The following SNX29 variants were observed in gnomAD, a reference collection of about 807,000 sequenced individuals.
SNX29 encodes sorting nexin 29, also known as sorting nexin-29.
Under a neutral mutation model 102.1 loss-of-function variants are expected in SNX29, and 78 were observed. The observed-to-expected ratio is 0.76, with a 90% CI of 0.64 to 0.92. The LOEUF is 0.92. Ranked by LOEUF, SNX29 falls within the 40% of genes least tolerant of loss-of-function variation. The pLI is 0.00. For synonymous variants in SNX29, 580 were observed against 414.5 expected, an observed-to-expected ratio of 1.40 and a Z score of -4.85; for missense variants, 1,280 against 1,061.7, an observed-to-expected ratio of 1.21 and a Z score of -2.86.
At chr16:12,008,681 G>GATA (rs1280420263) in intron 3 of SNX29, among the ~76,000 whole-genome samples, 1 of 151,318 alleles carries the variant, frequency 6.6e-6, no homozygotes, top group African/African-American at 2.4e-5. Flanking sequence ...GCTCAGAGCC[G>GATA]TCCTCTGGCC....
At chr16:12,377,312 C>T (rs76788760) in intron 16 of SNX29, among the ~76,000 whole-genome samples, 22 of 152,300 alleles carry the variant, frequency 1.4e-4, no homozygotes, top group South Asian at 8.3e-4. Context: ...ACTTGTCCTT[C>T]GTGAAGTTGG....
In SNX29 at chr16:12,571,951, G is replaced by C; in HGVS notation, c.*3322G>C. 1.9e-6 allele frequency: 2 copies of C among 1,061,836 alleles called. No homozygotes were observed. The highest frequency in any genetic ancestry group is 2.3e-6 in the Non-Finnish European group (2 of 877,052). 65.8% of individuals were successfully genotyped at this position (1,061,836 alleles called of 1,614,324 possible). On this transcript the variant is annotated 3_prime_UTR_variant, in exon 21 of 21. Coordinates refer to ENST00000566228, the MANE Select transcript of SNX29 (RefSeq NM_032167.5). ...GAAGGAAGACACTTTCAGGGAAGAGGCTCTTACAGTCTATGGTGGTAGCCA... is the reference window on the plus strand; with the variant it reads ...GAAGGAAGACACTTTCAGGGAAGAGCCTCTTACAGTCTATGGTGGTAGCCA...
chr16:12,567,749 C>T (rs914626704), intron 20 of SNX29, among the ~76,000 whole-genome samples: 11 of 152,146 alleles, frequency 7.2e-5, no homozygotes, highest in African/African-American at 2.4e-4. Context: ...GGGCAAGAGT[C>T]GAGACTGTCT....
chr16:12,539,213 G>T (rs151094121), intron 20 of SNX29, among the ~76,000 whole-genome samples: 235 of 152,218 alleles, frequency 1.5e-3, no homozygotes, highest in African/African-American at 5.4e-3. Flanking sequence ...CACCATCACC[G>T]TCAAGATATA....
chr16:12,412,989 C>T (rs8049296), intron 18 of SNX29, among the ~76,000 whole-genome samples: 14,843 of 152,208 alleles, frequency 0.098, 1,195 homozygotes, highest in African/African-American at 0.21. Flanking sequence ...GTAACCCATC[C>T]GGAGAGCTAC....
chr16:12,146,663 C>T (rs2055078375), intron 13 of SNX29, among the ~76,000 whole-genome samples: 1 of 152,212 alleles, frequency 6.6e-6, no homozygotes, highest in African/African-American at 2.4e-5. Context: ...TACCATTCAT[C>T]ACTGCTTGGC....
chr16:12,324,702 G>A (rs1596915493), intron 15 of SNX29, among the ~76,000 whole-genome samples: 6 of 151,854 alleles, frequency 4.0e-5, no homozygotes, highest in East Asian at 3.9e-4. Context: ...CTCTATTCTC[G>A]GCCCCCAGCC....
chr16:12,335,829 T>A (rs1014303946), intron 15 of SNX29, among the ~76,000 whole-genome samples: 4 of 152,200 alleles, frequency 2.6e-5, no homozygotes, highest in Non-Finnish European at 4.4e-5. Flanking sequence ...ATAGTTATCC[T>A]TCCCGTTTAC....
intron 16 of SNX29, among the ~76,000 whole-genome samples, chr16:12,369,354 T>G (rs2082599887): frequency 6.6e-6 from 1 of 152,166 alleles, no homozygotes; most frequent in Non-Finnish European, 1.5e-5. Flanking sequence ...CAGGCTGGTC[T>G]TGAACTCCTG....
intron 14 of SNX29, among the ~76,000 whole-genome samples, chr16:12,229,346 G>C (rs1277432654): frequency 1.3e-5 from 2 of 152,204 alleles, no homozygotes; most frequent in Non-Finnish European, 2.9e-5. Context: ...GGTCAGGCCA[G>C]TCCTAGGATT....
intron 17 of SNX29, among the ~76,000 whole-genome samples, chr16:12,401,359 A>ATTTTTTTTTT (rs35886680): frequency 2.0e-5 from 2 of 101,500 alleles, no homozygotes; most frequent in Admixed American, 1.2e-4. Flanking sequence ...ATAGAGTTAA[A>ATTTTTTTTTT]TTTTTTTTTT....
At position 12,473,630 on chromosome 16, in the gene SNX29, C is replaced by T. The variant is rs532147671; in HGVS notation, c.2038-4089C>T. On this transcript the variant is annotated intron_variant, in intron 18 of 20. Transcript: ENST00000566228. ...TGGGCTGCATTTTCGGACGGTTAGG[C>T]ATTCTAAGTCATAGGATGAGATGCG... Among the ~76,000 whole-genome samples, 14 of 152,302 alleles carry T rather than the reference C, an allele frequency of 9.2e-5. 1 individual carries two copies. The South Asian group carries it at 2.9e-3, about 32-fold the overall frequency.
intron 16 of SNX29, among the ~76,000 whole-genome samples, chr16:12,381,811 C>T (rs1597167136): frequency 7.1e-6 from 1 of 140,350 alleles, no homozygotes; most frequent in African/African-American, 2.7e-5. Flanking sequence ...ATCTGTCATC[C>T]ATCCACCCAC....
At chr16:12,413,727 C>T (rs762831499) in intron 18 of SNX29, among the ~76,000 whole-genome samples, 37 of 152,204 alleles carry the variant, frequency 2.4e-4, no homozygotes, top group Non-Finnish European at 4.1e-4. Context: ...AGGCGCTGGA[C>T]GATCCTCACG....
intron 14 of SNX29, among the ~76,000 whole-genome samples, chr16:12,229,269 G>A (rs2077702475): frequency 6.6e-6 from 1 of 152,240 alleles, no homozygotes; most frequent in South Asian, 2.1e-4. Flanking sequence ...CACCAGCATA[G>A]TACCTGGCAC....
At chr16:12,529,591 C>T (rs1056161138) in intron 20 of SNX29, among the ~76,000 whole-genome samples, 3 of 152,156 alleles carry the variant, frequency 2.0e-5, no homozygotes, top group African/African-American at 7.2e-5. Flanking sequence ...AGTTAGGGGG[C>T]TGGAAGGTGG....
intron 11 of SNX29, chr16:12,087,063 T>C (rs892039316): frequency 3.3e-5 from 5 of 152,106 alleles, no homozygotes; most frequent in Non-Finnish European, 7.3e-5. Flanking sequence ...ACAAATGTGG[T>C]TCATGAGTGT....
At chr16:12,443,189 C>G in intron 18 of SNX29, 1 of 364,656 alleles carries the variant, frequency 2.7e-6, no homozygotes, top group East Asian at 7.4e-5. Context: ...CCTATGGAAG[C>G]TGCTCAGTAG....
chr16:12,519,398 A>T (rs1429310130), intron 19 of SNX29, among the ~76,000 whole-genome samples: 1 of 152,228 alleles, frequency 6.6e-6, no homozygotes, highest in Non-Finnish European at 1.5e-5. Context: ...TTCCAGAAGC[A>T]GCAGGCACAT....
Sources: allele counts gnomAD v4.1 joint callset (sites outside exome capture counted in the v4.1 genomes callset), GRCh38; gene constraint gnomAD v4.1.1; transcripts MANE v1.5; gene names NCBI Gene and HGNC (gene_info 2026-07-23, HGNC 2026-07-21).